The following SMARCC1 variants were observed in gnomAD, a reference collection of about 807,000 sequenced individuals.
SMARCC1 encodes the protein SWI/SNF related BAF chromatin remodeling complex subunit C1.
SMARCC1 carries 43 observed loss-of-function variants against 147.4 expected under a neutral mutation model. The ratio of observed to expected loss-of-function variants is 0.29; its 90% CI spans 0.23 to 0.38. SMARCC1 has a LOEUF of 0.38. SMARCC1 is among the 10% of genes least tolerant of loss of function. The pLI is 1.00. For missense variants in SMARCC1, 1,119 were observed against 1,381.1 expected (o/e 0.81, Z 3.01); for synonymous variants, 495 against 484.4 (o/e 1.02, Z -0.29).
chr3:47,612,212 C>T (rs1464615), intron 25 of SMARCC1, among the ~76,000 whole-genome samples: 137,455 of 152,180 alleles, frequency 0.9, 63,762 homozygotes, highest in East Asian at 1. Context: ...GGCAAAATGA[C>T]TGTAAAAGGT....
chr3:47,668,460 A>C (rs1302968588), intron 19 of SMARCC1, among the ~76,000 whole-genome samples: 1 of 152,156 alleles, frequency 6.6e-6, no homozygotes, highest in Non-Finnish European at 1.5e-5. Context: ...TATACATTCC[A>C]CTTTGACTAT....
At chr3:47,711,254 T>C (rs2034081943) in intron 8 of SMARCC1, among the ~76,000 whole-genome samples, 1 of 152,156 alleles carries the variant, frequency 6.6e-6, no homozygotes, top group Non-Finnish European at 1.5e-5. Context: ...GTGCTCTAGG[T>C]AGGAATGGAA....
chr3:47,684,785 G>A (rs933909403), intron 14 of SMARCC1, among the ~76,000 whole-genome samples: 1 of 152,028 alleles, frequency 6.6e-6, no homozygotes, highest in African/African-American at 2.4e-5. Flanking sequence ...TATCTGTGGA[G>A]TTTGTGTTCC....
At chr3:47,710,538 A>AAGGGG (rs1385095073) in intron 9 of SMARCC1, 145 bp downstream of exon 9, 1 of 746,002 alleles carries the variant, frequency 1.3e-6, no homozygotes, top group Non-Finnish European at 2.1e-6. Flanking sequence ...GCCACTTTGG[A>AAGGGG]ATTTTCACCT....
chr3:47,780,178 T>G (rs868241448), intron 1 of SMARCC1, among the ~76,000 whole-genome samples: 39 of 138,382 alleles, frequency 2.8e-4, no homozygotes, highest in Admixed American at 1.3e-3. Flanking sequence ...GTTTTTTTTT[T>G]TTTTTTTTTT....
chr3:47,683,106 G>A (rs997273414), intron 14 of SMARCC1, among the ~76,000 whole-genome samples: 1 of 152,146 alleles, frequency 6.6e-6, no homozygotes, highest in Admixed American at 6.5e-5. Flanking sequence ...GCAGTGGCGC[G>A]ATCTCAGCTT....
intron 15 of SMARCC1, among the ~76,000 whole-genome samples, chr3:47,679,849 G>GAGACTCCAT (rs2033619707): frequency 7.7e-6 from 1 of 129,100 alleles, no homozygotes; most frequent in Non-Finnish European, 1.6e-5. Flanking sequence ...GTGACAGAGC[G>GAGACTCCAT]AGACTCCATC....
Position 47,720,609 on chromosome 3 carries a change from A to C in SMARCC1, c.716+57T>G, listed in dbSNP as rs997743325. The C allele has an allele frequency of 2.6e-5, 29 of 1,118,184 alleles. No homozygotes were observed. In the African/African-American group the frequency reaches 4.4e-4, roughly 17 times the overall value. 69.3% of individuals were successfully genotyped at this position (1,118,184 alleles called of 1,614,324 possible). ...ATTCAGAAAATAAAACTATAAATAA[A>C]TGTGCCTTCCTTTCACAGAAATCTT... On this transcript the variant is annotated intron_variant, in intron 7 of 27. Coordinates refer to ENST00000254480, the MANE Select transcript of SMARCC1 (RefSeq NM_003074.4).
At chr3:47,671,092 A>G (rs1424446768) in intron 18 of SMARCC1, among the ~76,000 whole-genome samples, 2 of 147,712 alleles carry the variant, frequency 1.4e-5, no homozygotes, top group African/African-American at 5.0e-5. Flanking sequence ...GACTGAGGCA[A>G]GAGAACCCAG....
intron 21 of SMARCC1, among the ~76,000 whole-genome samples, chr3:47,657,162 T>C (rs976937528): frequency 3.3e-5 from 5 of 152,214 alleles, no homozygotes; most frequent in African/African-American, 1.2e-4. Flanking sequence ...TCAACAATAA[T>C]AGTTGGAGAT....
At chr3:47,696,820 G>A (rs1042052713) in intron 11 of SMARCC1, among the ~76,000 whole-genome samples, 1 of 152,122 alleles carries the variant, frequency 6.6e-6, no homozygotes, top group Middle Eastern at 3.2e-3. Context: ...ACCGCGCCCA[G>A]CCAAGTGTGA....
intron 26 of SMARCC1, among the ~76,000 whole-genome samples, chr3:47,605,266 G>A (rs913890715): frequency 6.6e-6 from 1 of 152,160 alleles, no homozygotes; most frequent in Non-Finnish European, 1.5e-5. Flanking sequence ...CAACAGAAAT[G>A]TACATATATG....
intron 2 of SMARCC1, among the ~76,000 whole-genome samples, chr3:47,772,268 C>CTAG (rs2034923201): frequency 6.6e-6 from 1 of 152,048 alleles, no homozygotes; most frequent in Non-Finnish European, 1.5e-5. Flanking sequence ...GTAGCACATG[C>CTAG]TAGTAGTCCC....
chr3:47,721,842 C>T (rs554203707), intron 6 of SMARCC1, among the ~76,000 whole-genome samples: 11 of 152,150 alleles, frequency 7.2e-5, no homozygotes, highest in African/African-American at 2.4e-4. Context: ...GAGATTCAGT[C>T]TCTTAAAAAA....
intron 9 of SMARCC1, among the ~76,000 whole-genome samples, 193 bp downstream of exon 9, chr3:47,710,490 C>G (rs1253532987): frequency 6.6e-6 from 1 of 152,034 alleles, no homozygotes; most frequent in Non-Finnish European, 1.5e-5. Context: ...TTTCATACCA[C>G]TTTTTGGGAG....
At position 47,772,846 on chromosome 3, in the gene SMARCC1, C is replaced by T. The variant is rs1028613220; in HGVS notation, c.286G>A (p.Val96Ile). 1 of 1,613,230 alleles carries T rather than the reference C, an allele frequency of 6.2e-7. No homozygotes were observed. The highest frequency in any genetic ancestry group is 1.7e-5 in the Admixed American group (1 of 59,930). ...QFQEDAFGKH[V>I]TNPAFTKLPA... is the part of the protein sequence containing the mutation. ...AGTTTGGTGAAGGCCGGGTTGGTGA[C>T]ATGCTTCCCAAAGGCATCTTCCTGG... Residue 96 changes from valine (V) to isoleucine (I), a missense_variant, in exon 2 of 28, where the codon GTC (valine) becomes ATC (isoleucine). Transcript: ENST00000254480.
At position 47,719,731 on chromosome 3, in the gene SMARCC1, GA is replaced by G. The variant is rs542712711; in HGVS notation, c.716+934del. On this transcript the variant is annotated intron_variant, in intron 7 of 27. Transcript: ENST00000254480. ...AAAATCTGATCAGTAATAAACACTAGAAAAAAAATTATTTATTTTTTGAAGA... is the reference window on the plus strand; with the variant it reads ...AAAATCTGATCAGTAATAAACACTAGAAAAAAATTATTTATTTTTTGAAGA... 9.4e-4 allele frequency among the ~76,000 whole-genome samples: 143 copies of G among 151,652 alleles called. 1 individual carries two copies. The highest frequency in any genetic ancestry group is 3.1e-3 in the African/African-American group (127 of 41,386).
rs1185139432 is a variant in SMARCC1, at chr3:47,781,882, G to C, written c.-85C>G. 1 of 982,350 alleles carries C rather than the reference G, an allele frequency of 1.0e-6. No individual in the cohort carries two copies. Among genetic ancestry groups the C allele is most frequent in the Admixed American group, 4.4e-5 (1 of 22,572 alleles). 60.9% of individuals were successfully genotyped at this position (982,350 alleles called of 1,614,324 possible). ...CGTTCCCGCGCGCACCCCCGCGCGC[G>C]TAGCCGCCACTGCCGCTTCCCGGCC... On this transcript the variant is annotated 5_prime_UTR_variant, in exon 1 of 28. Transcript: ENST00000254480.
At chr3:47,724,349 AC>A (rs1185503019) in intron 6 of SMARCC1, among the ~76,000 whole-genome samples, 5 of 152,246 alleles carry the variant, frequency 3.3e-5, no homozygotes, top group African/African-American at 1.2e-4. Flanking sequence ...CAATAAGGAC[AC>A]TGTACCAAGT....
Sources: gnomAD v4.1 joint callset for allele counts (sites outside exome capture counted in the v4.1 genomes callset) on GRCh38, gnomAD v4.1.1 for gene constraint, MANE v1.5 for transcripts, NCBI Gene and HGNC (gene_info 2026-07-23, HGNC 2026-07-21) for gene names.